The following PTPRG variants were observed in gnomAD, a reference collection of about 807,000 sequenced individuals.
PTPRG encodes protein tyrosine phosphatase receptor type G, also known as receptor-type tyrosine-protein phosphatase gamma.
In PTPRG, 102 loss-of-function variants were observed where a neutral mutation model predicts 165.3. That is an observed-to-expected ratio of 0.62 (90% CI 0.53 to 0.73). PTPRG has a LOEUF of 0.73. Ranked by LOEUF, PTPRG falls within the 30% of genes least tolerant of loss-of-function variation. PTPRG has a pLI of 0.00. For missense variants in PTPRG, 1,866 were observed against 1,861.4 expected, an observed-to-expected ratio of 1.00 and a Z score of -0.05; for synonymous variants, 675 against 669.5, an observed-to-expected ratio of 1.01 and a Z score of -0.13.
intron 2 of PTPRG, among the ~76,000 whole-genome samples, chr3:61,866,285 G>T (rs1399053387): frequency 6.6e-6 from 1 of 152,118 alleles, no homozygotes; most frequent in African/African-American, 2.4e-5. Flanking sequence ...TGATACAGAT[G>T]ATTTCATTTT....
chr3:62,062,878 T>C (rs1353632732), intron 4 of PTPRG, among the ~76,000 whole-genome samples: 1 of 152,136 alleles, frequency 6.6e-6, no homozygotes, highest in Non-Finnish European at 1.5e-5. Flanking sequence ...GTTTTCAAAC[T>C]CCTGAACTCA....
chr3:61,641,529 A>G (rs565434831), intron 1 of PTPRG, among the ~76,000 whole-genome samples: 2 of 152,164 alleles, frequency 1.3e-5, no homozygotes, highest in African/African-American at 4.8e-5. Context: ...GTTTTTAAGG[A>G]AGAATCACCG....
chr3:62,184,385 T>C (rs1026794914), intron 8 of PTPRG, among the ~76,000 whole-genome samples: 8 of 152,196 alleles, frequency 5.3e-5, no homozygotes, highest in African/African-American at 1.4e-4. Flanking sequence ...ATTCCAGGTT[T>C]GAAGTCCTAC....
At chr3:61,678,201 A>G (rs1379465973) in intron 1 of PTPRG, among the ~76,000 whole-genome samples, 3 of 152,204 alleles carry the variant, frequency 2.0e-5, no homozygotes, top group Non-Finnish European at 4.4e-5. Flanking sequence ...GGAAGATGGA[A>G]GATGAATGGA....
chr3:61,747,177 G>A (rs1395351298), intron 1 of PTPRG, among the ~76,000 whole-genome samples: 3 of 152,066 alleles, frequency 2.0e-5, no homozygotes, highest in Non-Finnish European at 4.4e-5. Flanking sequence ...TAGGTGCTCT[G>A]CTCACCATAA....
chr3:61,938,043 C>T (rs2039522610), intron 2 of PTPRG, among the ~76,000 whole-genome samples: 1 of 151,514 alleles, frequency 6.6e-6, no homozygotes, highest in Admixed American at 6.6e-5. Context: ...TCAGTCTGGG[C>T]TTAAGGTTTC....
intron 1 of PTPRG, among the ~76,000 whole-genome samples, chr3:61,669,531 A>G (rs1418252095): frequency 6.6e-6 from 1 of 152,118 alleles, no homozygotes; most frequent in Admixed American, 6.5e-5. Flanking sequence ...TCTGTTAATT[A>G]CAGTTCCATT....
At chr3:62,098,802 C>G (rs1702197454) in intron 5 of PTPRG, among the ~76,000 whole-genome samples, 1 of 152,160 alleles carries the variant, frequency 6.6e-6, no homozygotes. Flanking sequence ...CTAGCAGAGT[C>G]TGGTATCTTC....
At chr3:61,619,981 G>T (rs1559526967) in intron 1 of PTPRG, among the ~76,000 whole-genome samples, 1 of 152,104 alleles carries the variant, frequency 6.6e-6, no homozygotes, top group African/African-American at 2.4e-5. Context: ...ACTCCTTCAC[G>T]CTGAGCTCTG....
intron 5 of PTPRG, among the ~76,000 whole-genome samples, chr3:62,125,533 T>C (rs188241777): frequency 2.6e-5 from 4 of 152,280 alleles, no homozygotes; most frequent in African/African-American, 7.2e-5. Context: ...TTTGATATTG[T>C]TGGGGCTTTT....
At chr3:62,081,743 C>T (rs1443164258) in intron 5 of PTPRG, among the ~76,000 whole-genome samples, 4 of 152,154 alleles carry the variant, frequency 2.6e-5, no homozygotes, top group Admixed American at 1.3e-4. Flanking sequence ...ATTTGGCATT[C>T]TAGTTAGATC....
chr3:61,819,702 A>G (rs1447273842), intron 2 of PTPRG, among the ~76,000 whole-genome samples: 1 of 152,204 alleles, frequency 6.6e-6, no homozygotes, highest in Admixed American at 6.5e-5. Flanking sequence ...CACCATGGGG[A>G]TGCAATCAGC....
chr3:61,693,219 A>G (rs933697270), intron 1 of PTPRG, among the ~76,000 whole-genome samples: 2 of 152,250 alleles, frequency 1.3e-5, no homozygotes, highest in Admixed American at 1.3e-4. Context: ...TATATGAGAA[A>G]TTATGAATTT....
Position 62,080,234 on chromosome 3 carries a change from A to ATTTT in PTPRG, c.615+1976_615+1977insTTTT, listed in dbSNP as rs112814144. 4.7e-3 allele frequency among the ~76,000 whole-genome samples: 653 copies of ATTTT among 137,494 alleles called. 4 individuals carry two copies. Among genetic ancestry groups the ATTTT allele is most frequent in the South Asian group, 0.01 (48 of 4,674 alleles). 90.2% of individuals were successfully genotyped at this position (137,494 alleles called of 152,430 possible). On this transcript the variant is annotated intron_variant, in intron 5 of 29. Transcript: ENST00000474889. ...CAGGCATGTGCTACTATGCCCAGCT[A>ATTTT]ATTTTTTTTTTTTGTATTTTTAGTA...
At chr3:62,079,519 T>C (rs1046260529) in intron 5 of PTPRG, among the ~76,000 whole-genome samples, 2 of 152,298 alleles carry the variant, frequency 1.3e-5, no homozygotes, top group East Asian at 3.9e-4. Context: ...TTTATAGAAT[T>C]TGTTTATGCA....
chr3:62,178,556 C>T (rs377103174), intron 8 of PTPRG, among the ~76,000 whole-genome samples: 3 of 152,226 alleles, frequency 2.0e-5, no homozygotes, highest in Admixed American at 6.5e-5. Flanking sequence ...AAACATGGAG[C>T]GAGGGCTTTT....
chr3:61,699,880 A>G (rs2106699066), intron 1 of PTPRG, among the ~76,000 whole-genome samples: 1 of 152,352 alleles, frequency 6.6e-6, no homozygotes, highest in South Asian at 2.1e-4. Context: ...AAAAGCTTCA[A>G]GATAATAAGG....
intron 2 of PTPRG, among the ~76,000 whole-genome samples, chr3:61,912,890 G>C (rs771326750): frequency 6.6e-6 from 1 of 151,922 alleles, no homozygotes; most frequent in African/African-American, 2.4e-5. Context: ...CCATTTTTTA[G>C]TATTTTTCTT....
chr3:61,959,978 G>C (rs1406199551), intron 2 of PTPRG, among the ~76,000 whole-genome samples: 1 of 152,076 alleles, frequency 6.6e-6, no homozygotes, highest in African/African-American at 2.4e-5. Context: ...TGTTCATGCT[G>C]TTCCATGTGC....
Sources: allele counts gnomAD v4.1 joint callset (sites outside exome capture counted in the v4.1 genomes callset), GRCh38; gene constraint gnomAD v4.1.1; transcripts MANE v1.5; gene names NCBI Gene and HGNC (gene_info 2026-07-23, HGNC 2026-07-21).